The following CLDN10 variants were observed in gnomAD, a reference collection of about 807,000 sequenced individuals.
CLDN10 encodes claudin-10.
CLDN10 carries 15 observed loss-of-function variants against 22.9 expected under a neutral mutation model. The observed-to-expected ratio is 0.65, with a 90% CI of 0.44 to 1.01. CLDN10 has a LOEUF of 1.01. Ranked by LOEUF, CLDN10 falls within the 50% of genes least tolerant of loss-of-function variation. The probability of loss-of-function intolerance (pLI) is 0.00; values close to 1 mark genes in which losing one functional copy is unlikely to be tolerated. For synonymous variants in CLDN10, 114 were observed against 111.4 expected (o/e 1.02, Z -0.15); for missense variants, 247 against 287.8 (o/e 0.86, Z 1.03).
At chr13:95,559,604 A>C (rs2043678681) in intron 1 of CLDN10, among the ~76,000 whole-genome samples, 1 of 152,200 alleles carries the variant, frequency 6.6e-6, no homozygotes, top group African/African-American at 2.4e-5. Context: ...TAATATTGGA[A>C]GGTTTGACCC....
intron 1 of CLDN10, among the ~76,000 whole-genome samples, chr13:95,541,010 T>A (rs752716394): frequency 6.6e-6 from 1 of 152,250 alleles, no homozygotes; most frequent in Non-Finnish European, 1.5e-5. Flanking sequence ...CTGGGTGGAA[T>A]GGCCACGTGG....
At position 95,471,459 on chromosome 13, in the gene CLDN10, T is replaced by A. The variant is rs1399180719; in HGVS notation, c.214+37412T>A. On this transcript the variant is annotated intron_variant, in intron 1 of 4. Transcript: ENST00000376873. Reference sequence around the variant, plus strand: ...CACACACATATATATATATATTTTTTTTTTTTTTTTTGAGATGGAGTCTTG... The same window carrying A: ...CACACACATATATATATATATTTTTATTTTTTTTTTTGAGATGGAGTCTTG... 2.4e-3 allele frequency among the ~76,000 whole-genome samples: 274 copies of A among 112,260 alleles called. 4 individuals are homozygous for A. The highest frequency in any genetic ancestry group is 7.9e-3 in the African/African-American group (250 of 31,800). The allele number at this position is 112,260 out of a possible 152,430, so 73.6% of individuals were successfully genotyped here. A position where few individuals can be genotyped will look rare whatever the true frequency, so the allele number is the denominator to read the frequency against.
chr13:95,511,490 G>T (rs2043097996), intron 1 of CLDN10, among the ~76,000 whole-genome samples: 1 of 152,068 alleles, frequency 6.6e-6, no homozygotes, highest in African/African-American at 2.4e-5. Flanking sequence ...TCATACAAAA[G>T]TGTTTCTTTG....
chr13:95,443,361 T>C (rs2042342519), intron 1 of CLDN10, among the ~76,000 whole-genome samples: 2 of 152,338 alleles, frequency 1.3e-5, no homozygotes, highest in African/African-American at 4.8e-5. Context: ...AAGAATCTTA[T>C]TGTATGACGT....
In CLDN10 at chr13:95,579,218, G is replaced by A. The variant is rs2043981225; in HGVS notation, c.*1204G>A. ...CTGACGGGCCGAGTTCTATCTAGGTGTGTCTTCCAGAACCTGTTTACGGCT... is the reference window on the plus strand; with the variant it reads ...CTGACGGGCCGAGTTCTATCTAGGTATGTCTTCCAGAACCTGTTTACGGCT... On this transcript the variant is annotated 3_prime_UTR_variant, in exon 5 of 5. Transcript: ENST00000299339. 6.6e-6 allele frequency: 1 copy of A among 152,188 alleles called. No individual in the cohort carries two copies. Among genetic ancestry groups the A allele is most frequent in the South Asian group, 2.1e-4 (1 of 4,826 alleles). 9.4% of individuals were successfully genotyped at this position (152,188 alleles called of 1,614,324 possible).
At chr13:95,517,532 C>T (rs7336459) in intron 1 of CLDN10, among the ~76,000 whole-genome samples, 1 of 152,158 alleles carries the variant, frequency 6.6e-6, no homozygotes, top group Non-Finnish European at 1.5e-5. Context: ...GATACACTTC[C>T]TATTCTTCAG....
intron 1 of CLDN10, among the ~76,000 whole-genome samples, chr13:95,474,018 G>A (rs2042661332): frequency 6.6e-6 from 1 of 152,090 alleles, no homozygotes; most frequent in Admixed American, 6.5e-5. Context: ...TCGCAGGGTA[G>A]TTTCAGGATG....
intron 1 of CLDN10, among the ~76,000 whole-genome samples, chr13:95,521,906 G>A (rs537157098): frequency 6.6e-6 from 1 of 151,936 alleles, no homozygotes; most frequent in African/African-American, 2.4e-5. Flanking sequence ...GTAATTTGGT[G>A]AAGAGATTTG....
chr13:95,535,459 G>T (rs1045516880), intron 1 of CLDN10, among the ~76,000 whole-genome samples: 1 of 150,642 alleles, frequency 6.6e-6, no homozygotes, highest in African/African-American at 2.4e-5. Context: ...ACAGAGGGAA[G>T]AGCGCCATCC....
intron 1 of CLDN10, among the ~76,000 whole-genome samples, chr13:95,547,119 C>T (rs903349988): frequency 1.3e-5 from 2 of 150,228 alleles, no homozygotes; most frequent in Admixed American, 6.7e-5. Flanking sequence ...CTCCTAGGCT[C>T]AAGTGATCTT....
chr13:95,530,390 GCAA>G (rs1202762402), intron 1 of CLDN10, among the ~76,000 whole-genome samples: 3 of 152,168 alleles, frequency 2.0e-5, no homozygotes, highest in Non-Finnish European at 2.9e-5. Flanking sequence ...AAGCGGTTGG[GCAA>G]CCCCTACCGG....
chr13:95,569,320 A>G (rs1405784721), intron 3 of CLDN10, among the ~76,000 whole-genome samples: 1 of 152,176 alleles, frequency 6.6e-6, no homozygotes, highest in Non-Finnish European at 1.5e-5. Context: ...GCAGTGGCTC[A>G]TGCCTGTAAT....
At chr13:95,446,946 C>T (rs948850659) in intron 1 of CLDN10, among the ~76,000 whole-genome samples, 2 of 152,176 alleles carry the variant, frequency 1.3e-5, no homozygotes, top group Non-Finnish European at 2.9e-5. Context: ...TGCCATCTAA[C>T]CTTTTCTGGG....
intron 1 of CLDN10, among the ~76,000 whole-genome samples, chr13:95,435,665 A>AGT (rs1267395775): frequency 2.0e-5 from 3 of 152,068 alleles, no homozygotes; most frequent in African/African-American, 7.2e-5. Context: ...GGAAAAGAAG[A>AGT]GTGTGTGTGG....
chr13:95,572,926 A>C (rs79411998), intron 3 of CLDN10, among the ~76,000 whole-genome samples: 2,770 of 152,292 alleles, frequency 0.018, 30 homozygotes, highest in Middle Eastern at 0.037. Flanking sequence ...AGGAGGTGAA[A>C]GTAAGTTGTT....
At chr13:95,551,616 C>T (rs1306528402), upstream of CLDN10, among the ~76,000 whole-genome samples, 1 of 152,152 alleles carries the variant, frequency 6.6e-6, no homozygotes, top group Non-Finnish European at 1.5e-5. Context: ...AGGGTTAGCA[C>T]GAGATTTATC....
intron 1 of CLDN10, among the ~76,000 whole-genome samples, chr13:95,478,799 A>G (rs970629751): frequency 1.3e-5 from 2 of 152,208 alleles, no homozygotes; most frequent in Non-Finnish European, 2.9e-5. Flanking sequence ...TGTGGTCTCG[A>G]CAGGTGGGAT....
chr13:95,469,367 C>G (rs1405792817), intron 1 of CLDN10, among the ~76,000 whole-genome samples: 1 of 151,242 alleles, frequency 6.6e-6, no homozygotes, highest in African/African-American at 2.4e-5. Context: ...TTAACTTCAC[C>G]TTCTATATTT....
intron 4 of CLDN10, among the ~76,000 whole-genome samples, chr13:95,577,641 G>A (rs2043954956): frequency 6.6e-6 from 1 of 152,144 alleles, no homozygotes; most frequent in South Asian, 2.1e-4. Context: ...CTTCCAGGAG[G>A]GTGAGTTTTA....
Sources: allele counts gnomAD v4.1 joint callset (sites outside exome capture counted in the v4.1 genomes callset), GRCh38; gene constraint gnomAD v4.1.1; transcripts MANE v1.5; gene names NCBI Gene and HGNC (gene_info 2026-07-23, HGNC 2026-07-21).